The following PKIB variants were observed in gnomAD, a reference collection of about 807,000 sequenced individuals.
PKIB encodes the protein cAMP-dependent protein kinase inhibitor beta.
A neutral mutation model predicts 4.5 loss-of-function variants in PKIB; 2 were observed. That is an observed-to-expected ratio of 0.44 (90% CI 0.18 to 1.39). The LOEUF is 1.39. PKIB is among the 40% of genes most tolerant of loss of function. The pLI is 0.27. For missense variants in PKIB, 94 were observed against 92.6 expected (o/e 1.02, Z -0.06); for synonymous variants, 38 against 36.0 (o/e 1.06, Z -0.20).
At chr6:122,531,804 G>A (rs894082408) in intron 2 of PKIB, among the ~76,000 whole-genome samples, 1 of 152,190 alleles carries the variant, frequency 6.6e-6, no homozygotes, top group Admixed American at 6.5e-5. Context: ...TTAAGGCTGG[G>A]AATTTATACC....
chr6:122,548,695 G>A (rs1772578768), intron 2 of PKIB, among the ~76,000 whole-genome samples: 1 of 152,116 alleles, frequency 6.6e-6, no homozygotes. Flanking sequence ...GAAAAATGGA[G>A]TTAAGTATCT....
intron 3 of PKIB, among the ~76,000 whole-genome samples, chr6:122,596,145 G>A (rs896736256): frequency 2.0e-5 from 3 of 152,194 alleles, no homozygotes; most frequent in African/African-American, 2.4e-5. Context: ...TGCACTGCTC[G>A]AAGTTCTGCC....
intron 3 of PKIB, among the ~76,000 whole-genome samples, chr6:122,680,040 T>C (rs576822595): frequency 2.6e-5 from 4 of 152,352 alleles, no homozygotes; most frequent in African/African-American, 9.6e-5. Flanking sequence ...ATAGGTCAAT[T>C]GTAGAACACA....
intron 2 of PKIB, among the ~76,000 whole-genome samples, chr6:122,649,599 A>G (rs923877961): frequency 1.3e-5 from 2 of 152,092 alleles, no homozygotes; most frequent in African/African-American, 4.8e-5. Flanking sequence ...GCTCAATCTT[A>G]TATATACCAC....
intron 2 of PKIB, among the ~76,000 whole-genome samples, chr6:122,583,384 T>A (rs1773760123): frequency 6.6e-6 from 1 of 152,120 alleles, no homozygotes; most frequent in South Asian, 2.1e-4. Context: ...ATTGAGAATT[T>A]TTATTCTAAT....
At chr6:122,503,850 G>A (rs1282225853) in intron 2 of PKIB, among the ~76,000 whole-genome samples, 1 of 152,120 alleles carries the variant, frequency 6.6e-6, no homozygotes, top group Non-Finnish European at 1.5e-5. Context: ...TAAAATGTAG[G>A]AGAGAGGAAA....
At chr6:122,498,407 T>A (rs1197160351) in intron 2 of PKIB, among the ~76,000 whole-genome samples, 1 of 152,178 alleles carries the variant, frequency 6.6e-6, no homozygotes, top group Non-Finnish European at 1.5e-5. Flanking sequence ...CCATGACATG[T>A]GGGAATAGTG....
intron 2 of PKIB, among the ~76,000 whole-genome samples, chr6:122,563,998 A>G (rs1467987132): frequency 5.3e-5 from 8 of 152,078 alleles, no homozygotes; most frequent in Admixed American, 2.0e-4. Context: ...TATTATTACA[A>G]AGTTCTGCTA....
intron 3 of PKIB, among the ~76,000 whole-genome samples, chr6:122,707,014 A>G (rs1779086433): frequency 6.6e-6 from 1 of 152,062 alleles, no homozygotes; most frequent in Admixed American, 6.6e-5. Context: ...TAACTTATAT[A>G]GTACTAAAGG....
intron 2 of PKIB, among the ~76,000 whole-genome samples, chr6:122,670,764 C>T (rs1777431960): frequency 2.0e-5 from 3 of 152,178 alleles, no homozygotes; most frequent in Admixed American, 2.0e-4. Flanking sequence ...GAATGCACAT[C>T]ATTTTCAATG....
chr6:122,547,897 GA>G (rs71021406), intron 2 of PKIB, among the ~76,000 whole-genome samples: 122,682 of 152,056 alleles, frequency 0.81, 49,696 homozygotes, highest in South Asian at 0.92. Context: ...CAAACTCACC[GA>G]AGTCACTTTG....
chr6:122,580,789 A>G (rs147058704), intron 2 of PKIB, among the ~76,000 whole-genome samples: 1 of 152,186 alleles, frequency 6.6e-6, no homozygotes, highest in Non-Finnish European at 1.5e-5. Context: ...CTCCAGAATG[A>G]AATGTTAATG....
intron 1 of PKIB, among the ~76,000 whole-genome samples, chr6:122,627,036 C>T (rs1209776771): frequency 6.7e-6 from 1 of 148,624 alleles, no homozygotes; most frequent in African/African-American, 2.5e-5. Flanking sequence ...AGATTGAGAC[C>T]ATCCTGGTTA....
chr6:122,574,550 T>C (rs75352007), intron 2 of PKIB, among the ~76,000 whole-genome samples: 9 of 152,296 alleles, frequency 5.9e-5, no homozygotes, highest in African/African-American at 2.2e-4. Context: ...ATGGCACTGG[T>C]ATAAAAATAG....
At chr6:122,668,519 C>T (rs1777322885) in intron 2 of PKIB, among the ~76,000 whole-genome samples, 2 of 152,134 alleles carry the variant, frequency 1.3e-5, no homozygotes, top group African/African-American at 4.8e-5. Flanking sequence ...CAGACTAAAA[C>T]TAGAGAGAAA....
intron 2 of PKIB, among the ~76,000 whole-genome samples, chr6:122,524,831 G>C (rs1338731894): frequency 6.6e-6 from 1 of 151,284 alleles, no homozygotes; most frequent in African/African-American, 2.4e-5. Context: ...TCCCCTCTTT[G>C]TTTCTGATTT....
chr6:122,726,347 T>C lies in PKIB; in HGVS notation c.*1152T>C, dbSNP rs112398820. The C allele has an allele frequency of 2.6e-5, 4 of 152,298 alleles. No homozygotes were observed. The highest frequency in any genetic ancestry group is 1.9e-4 in the East Asian group (1 of 5,182). 9.4% of individuals were successfully genotyped at this position (152,298 alleles called of 1,614,324 possible). A position where few individuals can be genotyped will look rare whatever the true frequency, so the allele number is the denominator to read the frequency against. On this transcript the variant is annotated 3_prime_UTR_variant, in exon 5 of 5. Transcript: ENST00000368452. ...TGTATACAGTAACCAAATAAACTCTTTCACTATTAAAGAGATTTCTTACTG... is the reference window on the plus strand; with the variant it reads ...TGTATACAGTAACCAAATAAACTCTCTCACTATTAAAGAGATTTCTTACTG...
intron 2 of PKIB, among the ~76,000 whole-genome samples, chr6:122,505,529 A>C (rs1330788951): frequency 6.6e-6 from 1 of 152,196 alleles, no homozygotes; most frequent in African/African-American, 2.4e-5. Flanking sequence ...ATTAAAGTAA[A>C]ATTTGTAATA....
intron 3 of PKIB, among the ~76,000 whole-genome samples, chr6:122,712,003 C>G (rs182475289): frequency 1.8e-3 from 272 of 152,212 alleles, no homozygotes; most frequent in Admixed American, 4.0e-3. Flanking sequence ...GAAATACCAT[C>G]TTTTGAAAAA....
Sources: gnomAD v4.1 joint callset for allele counts (sites outside exome capture counted in the v4.1 genomes callset) on GRCh38, gnomAD v4.1.1 for gene constraint, MANE v1.5 for transcripts, NCBI Gene and HGNC (gene_info 2026-07-23, HGNC 2026-07-21) for gene names.